Variants in RABGAP1L observed in about 807,000 individuals in gnomAD.
The protein encoded by RABGAP1L is rab GTPase-activating protein 1-like.
In RABGAP1L, 63 loss-of-function variants were observed where a neutral mutation model predicts 137.7. The ratio of observed to expected loss-of-function variants is 0.46; its 90% confidence interval spans 0.37 to 0.56. The LOEUF is 0.56. Among genes scored for constraint, RABGAP1L ranks in the 20% least tolerant of loss-of-function variants. The probability of loss-of-function intolerance (pLI) is 0.00; values close to 1 mark genes in which losing one functional copy is unlikely to be tolerated. For missense variants in RABGAP1L, 1,095 were observed against 1,244.0 expected (o/e 0.88, Z 1.80); for synonymous variants, 431 against 433.7 (o/e 0.99, Z 0.08).
chr1:174,651,797 A>G (rs1675521840), intron 14 of RABGAP1L, among the ~76,000 whole-genome samples: 1 of 152,174 alleles, frequency 6.6e-6, no homozygotes, highest in South Asian at 2.1e-4. Context: ...CCAATTTGCA[A>G]GTCTGTGTCT....
At position 174,634,477 on chromosome 1, in the gene RABGAP1L, G is replaced by A. The variant is rs1423238548; in HGVS notation, c.1711-2898G>A. Among the ~76,000 whole-genome samples the A allele has an allele frequency of 9.4e-5, 13 of 138,326 alleles. No homozygotes were observed. In the South Asian group the frequency reaches 2.0e-3, roughly 21 times the overall value. 90.7% of individuals were successfully genotyped at this position (138,326 alleles called of 152,430 possible). A position where few individuals can be genotyped will look rare whatever the true frequency, so the allele number is the denominator to read the frequency against. ...CAACCATTGTGGAAGTCAGTGTGGC[G>A]ATTCCTCAGGGATCTAGAACTAGAA... On this transcript the variant is annotated intron_variant, in intron 13 of 25. Coordinates refer to ENST00000681986, the MANE Select transcript of RABGAP1L (RefSeq NM_001366446.1).
rs374382592 is a variant in RABGAP1L at position 174,463,013 on chromosome 1, T to C, written c.1710+68868T>C. 9.9e-3 allele frequency among the ~76,000 whole-genome samples: 1,500 copies of C among 152,168 alleles called. 13 individuals carry two copies. Among genetic ancestry groups the C allele is most frequent in the Non-Finnish European group, 0.014 (974 of 67,996 alleles). On this transcript the variant is annotated intron_variant, in intron 13 of 25. Transcript: ENST00000681986. ...CAATCATTAAAAAGTCAGGAAACAA[T>C]AGGTGCTGGAGAGGATATGGAGAAA...
At chr1:174,437,070 C>T (rs370054191) in intron 13 of RABGAP1L, among the ~76,000 whole-genome samples, 6 of 152,180 alleles carry the variant, frequency 3.9e-5, no homozygotes, top group African/African-American at 1.2e-4. Context: ...CCCATCTGTA[C>T]GTCACCATCA....
intron 13 of RABGAP1L, among the ~76,000 whole-genome samples, chr1:174,447,649 A>C (rs1006360234): frequency 6.6e-6 from 1 of 152,188 alleles, no homozygotes; most frequent in Non-Finnish European, 1.5e-5. Flanking sequence ...CATTCTTTCC[A>C]GTTGCTCCCT....
intron 13 of RABGAP1L, among the ~76,000 whole-genome samples, chr1:174,459,192 T>A (rs556276898): frequency 3.9e-4 from 59 of 152,300 alleles, no homozygotes; most frequent in African/African-American, 1.2e-3. Flanking sequence ...TAAGCCATTT[T>A]AAAAATCTTG....
At chr1:174,674,572 G>A (rs1677448307) in intron 14 of RABGAP1L, among the ~76,000 whole-genome samples, 1 of 151,550 alleles carries the variant, frequency 6.6e-6, no homozygotes, top group South Asian at 2.1e-4. Context: ...CTTTATAGCA[G>A]CATGATTTAT....
intron 14 of RABGAP1L, among the ~76,000 whole-genome samples, chr1:174,645,184 T>TA (rs1246209871): frequency 6.6e-6 from 1 of 152,074 alleles, no homozygotes; most frequent in Non-Finnish European, 1.5e-5. Flanking sequence ...ACCACAAATA[T>TA]ACACAATAAA....
At chr1:174,659,873 A>G (rs1201916255) in intron 14 of RABGAP1L, among the ~76,000 whole-genome samples, 1 of 152,184 alleles carries the variant, frequency 6.6e-6, no homozygotes, top group Non-Finnish European at 1.5e-5. Flanking sequence ...GTCTACAAAC[A>G]TTGAATCATC....
chr1:174,751,101 T>C (rs1684304078), intron 17 of RABGAP1L, among the ~76,000 whole-genome samples: 1 of 152,214 alleles, frequency 6.6e-6, no homozygotes, highest in Non-Finnish European at 1.5e-5. Context: ...GGCCTGATTA[T>C]ACTTATTTCC....
intron 5 of RABGAP1L, chr1:174,246,253 A>T (rs1046149514): frequency 6.6e-6 from 1 of 152,156 alleles, no homozygotes; most frequent in Admixed American, 6.6e-5. Flanking sequence ...ACTCAAACAG[A>T]TATACAGTTT....
intron 19 of RABGAP1L, among the ~76,000 whole-genome samples, chr1:174,819,894 C>T (rs1384935080): frequency 2.0e-5 from 3 of 152,048 alleles, no homozygotes. Context: ...CCTTTCATTA[C>T]AAGCTGGAGG....
At chr1:174,786,307 C>G (rs1687442359) in intron 18 of RABGAP1L, among the ~76,000 whole-genome samples, 1 of 152,182 alleles carries the variant, frequency 6.6e-6, no homozygotes, top group Non-Finnish European at 1.5e-5. Context: ...GCTTTGGGAA[C>G]TTTAATGATT....
intron 13 of RABGAP1L, among the ~76,000 whole-genome samples, chr1:174,436,506 G>C (rs1412221549): frequency 6.6e-6 from 1 of 151,984 alleles, no homozygotes; most frequent in Non-Finnish European, 1.5e-5. Flanking sequence ...GGGGTTGTTT[G>C]TTTTTTTCTT....
chr1:174,437,538 G>T (rs1378976928), intron 13 of RABGAP1L, among the ~76,000 whole-genome samples: 1 of 152,114 alleles, frequency 6.6e-6, no homozygotes, highest in South Asian at 2.1e-4. Context: ...AAAAAGAAAT[G>T]AACAAAGCCT....
Position 174,241,472 on chromosome 1 carries a change from C to T in RABGAP1L, c.543-11C>T. On this transcript the variant is annotated splice_polypyrimidine_tract_variant and intron_variant, in intron 4 of 25. Coordinates refer to ENST00000681986, the MANE Select transcript of RABGAP1L (RefSeq NM_001366446.1). ...TAATATTTTATCTAACTTTTCATTA[C>T]TGTTCTACAGAATTATAGACCAATC... The T allele has an allele frequency of 6.8e-7, 1 of 1,479,228 alleles. No individual in the cohort carries two copies. The highest frequency in any genetic ancestry group is 9.1e-7 in the Non-Finnish European group (1 of 1,103,874). The allele number at this position is 1,479,228 out of a possible 1,614,324, so 91.6% of individuals were successfully genotyped here.
At chr1:174,439,654 G>A (rs1653898288) in intron 13 of RABGAP1L, among the ~76,000 whole-genome samples, 2 of 152,130 alleles carry the variant, frequency 1.3e-5, no homozygotes. Context: ...TCCCACAATT[G>A]GGAAATGCAT....
chr1:174,857,942 C>T (rs762120863), intron 19 of RABGAP1L, among the ~76,000 whole-genome samples: 11 of 152,246 alleles, frequency 7.2e-5, no homozygotes, highest in Admixed American at 1.3e-4. Flanking sequence ...TTTTAAGAGT[C>T]TAATAGTTAA....
At chr1:174,329,901 T>A (rs1680872137) in intron 11 of RABGAP1L, among the ~76,000 whole-genome samples, 1 of 151,014 alleles carries the variant, frequency 6.6e-6, no homozygotes, top group Non-Finnish European at 1.5e-5. Context: ...TAATAATTTT[T>A]TTTTAAAAAA....
At chr1:174,292,771 A>G (rs563270811) in intron 10 of RABGAP1L, among the ~76,000 whole-genome samples, 78 of 152,304 alleles carry the variant, frequency 5.1e-4, no homozygotes, top group Non-Finnish European at 8.8e-4. Context: ...AAGTTCTATA[A>G]TAAGATTTTC....
Sources: allele counts gnomAD v4.1 joint callset (sites outside exome capture counted in the v4.1 genomes callset), GRCh38; gene constraint gnomAD v4.1.1; transcripts MANE v1.5; gene names NCBI Gene and HGNC (gene_info 2026-07-23, HGNC 2026-07-21).